MPDZ: variants seen among roughly 807,000 people sequenced by gnomAD.
The protein encoded by MPDZ is multiple PDZ domain crumbs cell polarity complex component, also known as multiple PDZ domain protein.
MPDZ carries 234 observed loss-of-function variants against 239.1 expected under a neutral mutation model. The ratio of observed to expected loss-of-function variants is 0.98; its 90% CI spans 0.88 to 1.09. MPDZ has a LOEUF of 1.09. MPDZ is among the 50% of genes least tolerant of loss of function. MPDZ has a pLI of 0.00. For missense variants in MPDZ, 3,175 were observed against 2,510.0 expected, an observed-to-expected ratio of 1.26 and a Z score of -5.66; for synonymous variants, 1,048 against 881.3, an observed-to-expected ratio of 1.19 and a Z score of -3.35.
At chr9:13,107,752 C>T (rs1941730122) in intron 46 of MPDZ, among the ~76,000 whole-genome samples, 1 of 152,106 alleles carries the variant, frequency 6.6e-6, no homozygotes, top group Non-Finnish European at 1.5e-5. Flanking sequence ...TAAATACAGA[C>T]ATTGGTGTTA....
intron 16 of MPDZ, 75 bp downstream of exon 16, chr9:13,190,039 A>G (rs1954681137): frequency 7.5e-7 from 1 of 1,329,900 alleles, no homozygotes; most frequent in South Asian, 1.3e-5. Context: ...TGATGGTTAT[A>G]AACTATCATC....
intron 41 of MPDZ, among the ~76,000 whole-genome samples, chr9:13,113,704 A>T (rs1270711557): frequency 6.6e-6 from 1 of 152,196 alleles, no homozygotes; most frequent in African/African-American, 2.4e-5. Context: ...AAATTACAGA[A>T]TCCTGATTAT....
chr9:13,163,301 T>C (rs972493019), intron 22 of MPDZ, among the ~76,000 whole-genome samples: 8 of 152,186 alleles, frequency 5.3e-5, no homozygotes, highest in Non-Finnish European at 8.8e-5. Context: ...ATAATTATGT[T>C]AGCTCTATTA....
chr9:13,171,664 T>C (rs1416727881), intron 21 of MPDZ, among the ~76,000 whole-genome samples: 1 of 152,210 alleles, frequency 6.6e-6, no homozygotes, highest in Non-Finnish European at 1.5e-5. Flanking sequence ...TATTTATTAA[T>C]GTATCTGTAT....
chr9:13,168,602 T>C lies in MPDZ; in HGVS notation c.3056-38A>G, dbSNP rs758594516. Reference sequence around the variant, plus strand: ...AGAAATGCAAATATAATTAAATACATGATTTTTCAATTCATTTTAATTTGA... The same window carrying C: ...AGAAATGCAAATATAATTAAATACACGATTTTTCAATTCATTTTAATTTGA... On this transcript the variant is annotated intron_variant, in intron 21 of 46. Coordinates refer to ENST00000319217, the MANE Select transcript of MPDZ (RefSeq NM_001378778.1). 23 of 1,337,882 alleles carry C rather than the reference T, an allele frequency of 1.7e-5. No homozygotes were observed. The East Asian group carries it at 5.1e-4, about 30-fold the overall frequency. 82.9% of individuals were successfully genotyped at this position (1,337,882 alleles called of 1,614,324 possible). A position where few individuals can be genotyped will look rare whatever the true frequency, so the allele number is the denominator to read the frequency against.
At chr9:13,217,608 G>A (rs1204452823) in intron 8 of MPDZ, among the ~76,000 whole-genome samples, 1 of 151,712 alleles carries the variant, frequency 6.6e-6, no homozygotes, top group Non-Finnish European at 1.5e-5. Context: ...TTCAGAGATG[G>A]CTCATCTTAA....
In MPDZ at chr9:13,224,361, G is replaced by T. The variant is rs771112239; in HGVS notation, c.393+13C>A. The T allele has an allele frequency of 1.3e-6, 2 of 1,598,230 alleles. No individual in the cohort carries two copies. Among genetic ancestry groups the T allele is most frequent in the South Asian group, 2.2e-5 (2 of 89,198 alleles). On this transcript the variant is annotated intron_variant, in intron 4 of 46. Coordinates refer to ENST00000319217, the MANE Select transcript of MPDZ (RefSeq NM_001378778.1). ...CAGGTATTACAATAACTAACAGAAA[G>T]AAATGTTCTTACCTGGGCCATATTT...
intron 41 of MPDZ, 49 bp downstream of exon 41, chr9:13,113,882 T>G: frequency 7.1e-7 from 1 of 1,403,982 alleles, no homozygotes. Flanking sequence ...AAAAAATCAG[T>G]GTTGACAGCC....
chr9:13,272,496 T>C (rs543922030), intron 1 of MPDZ, among the ~76,000 whole-genome samples: 1 of 151,996 alleles, frequency 6.6e-6, no homozygotes, highest in East Asian at 1.9e-4. Context: ...GTGAATGTGA[T>C]GGGAAAGGGT....
chr9:13,170,433 TAAG>T (rs1300551637), intron 21 of MPDZ, among the ~76,000 whole-genome samples: 5 of 152,174 alleles, frequency 3.3e-5, no homozygotes, highest in South Asian at 2.1e-4. Context: ...AGTGTATTGT[TAAG>T]AAGACACCTC....
At chr9:13,231,160 A>G (rs1298381472) in intron 3 of MPDZ, among the ~76,000 whole-genome samples, 1 of 152,174 alleles carries the variant, frequency 6.6e-6, no homozygotes. Flanking sequence ...AGCATTGGGA[A>G]TAAAAAAAAG....
Position 13,168,582 on chromosome 9 carries a change from T to C in MPDZ, c.3056-18A>G. 1.3e-6 allele frequency: 2 copies of C among 1,488,816 alleles called. No individual in the cohort carries two copies. 92.2% of individuals were successfully genotyped at this position (1,488,816 alleles called of 1,614,324 possible). A position where few individuals can be genotyped will look rare whatever the true frequency, so the allele number is the denominator to read the frequency against. On this transcript the variant is annotated intron_variant, in intron 21 of 46. Coordinates refer to ENST00000319217, the MANE Select transcript of MPDZ (RefSeq NM_001378778.1). ...TGTCATTCCTACAGGAAAAGAGAAA[T>C]GCAAATATAATTAAATACATGATTT... is the stretch of plus-strand genomic sequence containing the variant.
At chr9:13,205,155 T>A in intron 11 of MPDZ, 48 bp from the exon 12 acceptor site, 1 of 1,038,624 alleles carries the variant, frequency 9.6e-7, no homozygotes, top group Non-Finnish European at 1.3e-6. Context: ...TATAATCAAG[T>A]ACTTGAATTT....
chr9:13,211,760 G>A (rs1412109), intron 10 of MPDZ, among the ~76,000 whole-genome samples: 150,825 of 152,164 alleles, frequency 0.99, 74,754 homozygotes, highest in Middle Eastern at 1. Flanking sequence ...TCCCAGGTAA[G>A]TTTTTAAGTA....
At chr9:13,238,820 G>T (rs1964705535) in intron 3 of MPDZ, among the ~76,000 whole-genome samples, 1 of 152,092 alleles carries the variant, frequency 6.6e-6, no homozygotes, top group African/African-American at 2.4e-5. Flanking sequence ...AGAAGCCGAT[G>T]AAAATCTAGT....
At chr9:13,130,840 C>T (rs919847259) in intron 32 of MPDZ, among the ~76,000 whole-genome samples, 2 of 152,106 alleles carry the variant, frequency 1.3e-5, no homozygotes, top group Admixed American at 1.3e-4. Flanking sequence ...GTACAGGATT[C>T]CTAGAAGGAA....
At chr9:13,215,753 GTTTTTT>G (rs56281339) in intron 10 of MPDZ, among the ~76,000 whole-genome samples, 1 of 89,048 alleles carries the variant, frequency 1.1e-5, no homozygotes, top group Admixed American at 1.8e-4. Context: ...TCTATTGCAG[GTTTTTT>G]TTTTTTTTTT....
chr9:13,265,297 T>G (rs1425345808), intron 1 of MPDZ, among the ~76,000 whole-genome samples: 1 of 152,140 alleles, frequency 6.6e-6, no homozygotes, highest in Non-Finnish European at 1.5e-5. Flanking sequence ...CGACCGTGCA[T>G]TTGGGCTCTC....
Position 13,115,240 on chromosome 9 carries a change from C to A in MPDZ, c.5466+8G>T. 6.2e-7 allele frequency: 1 copy of A among 1,610,932 alleles called. No individual in the cohort carries two copies. The highest frequency in any genetic ancestry group is 1.3e-5 in the African/African-American group (1 of 74,986). The stretch of plus-strand genomic sequence containing the variant: ...TGCATCGCCCTGATGAACTCCACAG[C>A]TACCCACCTGGCTGCTTTGAGATGG... On this transcript the variant is annotated splice_region_variant and intron_variant, in intron 40 of 46. Transcript: ENST00000319217.
Sources: gnomAD v4.1 joint callset for allele counts (sites outside exome capture counted in the v4.1 genomes callset) on GRCh38, gnomAD v4.1.1 for gene constraint, MANE v1.5 for transcripts, NCBI Gene and HGNC (gene_info 2026-07-23, HGNC 2026-07-21) for gene names.